Variants in ASF1A observed in about 807,000 individuals in gnomAD.
ASF1A encodes the protein anti-silencing function 1A histone chaperone, also known as histone chaperone ASF1A.
ASF1A carries 5 observed loss-of-function variants against 22.0 expected under a neutral mutation model. That is an observed-to-expected ratio of 0.23 (90% CI 0.12 to 0.48). ASF1A has a LOEUF of 0.48. Among genes scored for constraint, ASF1A ranks in the 20% least tolerant of loss-of-function variants. The probability of loss-of-function intolerance (pLI) is 0.99; values close to 1 mark genes in which losing one functional copy is unlikely to be tolerated. For synonymous variants in ASF1A, 97 were observed against 86.7 expected (o/e 1.12, Z -0.66); for missense variants, 137 against 240.6 (o/e 0.57, Z 2.85).
intron 1 of ASF1A, among the ~76,000 whole-genome samples, chr6:118,898,240 A>G (rs1167405596): frequency 2.0e-5 from 3 of 152,196 alleles, no homozygotes; most frequent in Non-Finnish European, 4.4e-5. Flanking sequence ...AGGTTTAAAC[A>G]ATAGGTATGA....
In ASF1A at chr6:118,900,854, C is replaced by T. The variant is rs376486285; in HGVS notation, c.198C>T (p.Pro66=). ...ACTCTGTTTTAGTGGGTCCTGTTCCCGCAGGAAGGCATATGTTTGTATTTC... is the reference window on the plus strand; with the variant it reads ...ACTCTGTTTTAGTGGGTCCTGTTCCTGCAGGAAGGCATATGTTTGTATTTC... ...VLDSVLVGPV[P]AGRHMFVFQA... The change falls in exon 2 of 4, where the codon CCC becomes CCT. Residue 66 remains proline, a synonymous_variant. Coordinates refer to ENST00000229595, the MANE Select transcript of ASF1A (RefSeq NM_014034.3). The T allele has an allele frequency of 2.7e-5, 43 of 1,612,750 alleles. No homozygotes were observed. Among genetic ancestry groups the T allele is most frequent in the Non-Finnish European group, 3.5e-5 (41 of 1,178,980 alleles).
chr6:118,900,146 A>G (rs1040619126), intron 1 of ASF1A, among the ~76,000 whole-genome samples: 10 of 152,120 alleles, frequency 6.6e-5, no homozygotes, highest in Admixed American at 2.0e-4. Context: ...CCTCTGCCCA[A>G]TTTAAAGAAT....
In ASF1A at chr6:118,894,307, C is replaced by T; in HGVS notation, c.-107C>T. 1 of 1,497,956 alleles carries T rather than the reference C, an allele frequency of 6.7e-7. No individual in the cohort carries two copies. Among genetic ancestry groups the T allele is most frequent in the Non-Finnish European group, 8.9e-7 (1 of 1,127,172 alleles). The allele number at this position is 1,497,956 out of a possible 1,614,324, so 92.8% of individuals were successfully genotyped here. On this transcript the variant is annotated 5_prime_UTR_variant, in exon 1 of 4. Coordinates refer to ENST00000229595, the MANE Select transcript of ASF1A (RefSeq NM_014034.3). ...TTCTCAAGTCGCCGCTGCACGACGT[C>T]TGGCCGGCGCTGGAGCGGGGGTCTG...
At chr6:118,895,561 A>C (rs1485999858) in intron 1 of ASF1A, among the ~76,000 whole-genome samples, 1 of 132,784 alleles carries the variant, frequency 7.5e-6, no homozygotes. Context: ...ATTAAGGTCA[A>C]CTCCTCATGT....
chr6:118,904,276 G>A (rs567742724), intron 2 of ASF1A, among the ~76,000 whole-genome samples: 1 of 152,276 alleles, frequency 6.6e-6, no homozygotes, highest in Admixed American at 6.5e-5. Context: ...AGCTGACTGA[G>A]GTTTTTAGCC....
chr6:118,906,790 T>C (rs1284179251), intron 3 of ASF1A, among the ~76,000 whole-genome samples: 1 of 152,186 alleles, frequency 6.6e-6, no homozygotes, highest in Non-Finnish European at 1.5e-5. Flanking sequence ...GCAGAGTAAA[T>C]GAAGTTGAAC....
chr6:118,902,960 C>A (rs572070654), intron 2 of ASF1A, among the ~76,000 whole-genome samples: 1 of 152,148 alleles, frequency 6.6e-6, no homozygotes, highest in Non-Finnish European at 1.5e-5. Flanking sequence ...CCTAGTATTG[C>A]CAGCTAGAGT....
intron 1 of ASF1A, among the ~76,000 whole-genome samples, chr6:118,898,369 T>TA (rs1779577846): frequency 1.3e-5 from 2 of 152,156 alleles, no homozygotes; most frequent in African/African-American, 4.8e-5. Context: ...AAGGGCATTA[T>TA]ATGTAGTGAT....
intron 1 of ASF1A, among the ~76,000 whole-genome samples, chr6:118,896,189 T>C (rs922289881): frequency 6.6e-6 from 1 of 152,168 alleles, no homozygotes; most frequent in Non-Finnish European, 1.5e-5. Flanking sequence ...TGAAGTCATT[T>C]GATTACTCTC....
At chr6:118,899,188 A>G (rs1397574259) in intron 1 of ASF1A, among the ~76,000 whole-genome samples, 1 of 152,168 alleles carries the variant, frequency 6.6e-6, no homozygotes, top group Non-Finnish European at 1.5e-5. Flanking sequence ...CTTACACTCT[A>G]TATTGAACAC....
At chr6:118,896,636 A>G (rs1465625292) in intron 1 of ASF1A, among the ~76,000 whole-genome samples, 1 of 152,148 alleles carries the variant, frequency 6.6e-6, no homozygotes, top group East Asian at 1.9e-4. Context: ...CTGAGCATTT[A>G]TTTAGTATTT....
chr6:118,902,415 A>G (rs1023486323), intron 2 of ASF1A, among the ~76,000 whole-genome samples: 3 of 152,216 alleles, frequency 2.0e-5, no homozygotes, highest in South Asian at 2.1e-4. Flanking sequence ...ACTTCTTGAA[A>G]TTGTTATATA....
chr6:118,898,926 T>C (rs78020728), intron 1 of ASF1A, among the ~76,000 whole-genome samples: 1,930 of 152,272 alleles, frequency 0.013, 38 homozygotes, highest in African/African-American at 0.044. Flanking sequence ...TTACATATCA[T>C]TGACAGGTTC....
chr6:118,897,645 C>A (rs577208869), intron 1 of ASF1A, among the ~76,000 whole-genome samples: 69 of 152,194 alleles, frequency 4.5e-4, no homozygotes, highest in African/African-American at 1.6e-3. Context: ...CTCACTCTTT[C>A]ACCACAAATG....
chr6:118,896,469 C>T (rs557982218), intron 1 of ASF1A, among the ~76,000 whole-genome samples: 249 of 152,240 alleles, frequency 1.6e-3, no homozygotes, highest in African/African-American at 5.6e-3. Flanking sequence ...AGGGCTTTTA[C>T]ATTGCATAGA....
At chr6:118,905,504 G>C in intron 2 of ASF1A, 148 bp from the exon 3 acceptor site, 1 of 593,802 alleles carries the variant, frequency 1.7e-6, no homozygotes, top group Non-Finnish European at 2.9e-6. Flanking sequence ...AAGTCAGTCA[G>C]AAATGAGCAT....
chr6:118,899,468 C>T (rs1057298332), intron 1 of ASF1A, among the ~76,000 whole-genome samples: 10 of 152,092 alleles, frequency 6.6e-5, no homozygotes, highest in African/African-American at 2.4e-4. Context: ...TTCCCTCTGG[C>T]GAGATACTTA....
chr6:118,904,032 T>G (rs1779995001), intron 2 of ASF1A, among the ~76,000 whole-genome samples: 1 of 152,202 alleles, frequency 6.6e-6, no homozygotes, highest in African/African-American at 2.4e-5. Flanking sequence ...AACTGAGATT[T>G]TATCCCTTAG....
chr6:118,898,154 G>A (rs1194296078), intron 1 of ASF1A, among the ~76,000 whole-genome samples: 1 of 152,200 alleles, frequency 6.6e-6, no homozygotes, highest in Non-Finnish European at 1.5e-5. Flanking sequence ...ATGAATTTGT[G>A]TAGATTACTT....
Sources: allele counts gnomAD v4.1 joint callset (sites outside exome capture counted in the v4.1 genomes callset), GRCh38; gene constraint gnomAD v4.1.1; transcripts MANE v1.5; gene names NCBI Gene and HGNC (gene_info 2026-07-23, HGNC 2026-07-21).